Variants in KALRN observed in about 807,000 individuals in gnomAD.
KALRN encodes kalirin RhoGEF kinase.
Under a neutral mutation model 353.7 loss-of-function variants are expected in KALRN, and 70 were observed. The ratio of observed to expected loss-of-function variants is 0.20; its 90% CI spans 0.16 to 0.24. KALRN has a LOEUF of 0.24. Ranked by LOEUF, KALRN falls within the 10% of genes least tolerant of loss-of-function variation. KALRN has a pLI of 1.00. For synonymous variants in KALRN, 1,391 were observed against 1,434.8 expected (o/e 0.97, Z 0.69); for missense variants, 2,791 against 3,756.7 (o/e 0.74, Z 6.72).
chr3:124,292,014 C>T (rs1172531409), intron 5 of KALRN, among the ~76,000 whole-genome samples: 3 of 152,084 alleles, frequency 2.0e-5, no homozygotes, highest in Admixed American at 6.5e-5. Context: ...TTGCAGGATA[C>T]GAAAGAGGTG....
chr3:124,637,647 G>A (rs568974017), intron 37 of KALRN, among the ~76,000 whole-genome samples: 182 of 152,296 alleles, frequency 1.2e-3, no homozygotes, highest in Non-Finnish European at 1.7e-3. Flanking sequence ...AGTACACCGC[G>A]ATGCTGAGAC....
intron 7 of KALRN, 132 bp from the exon 8 acceptor site, chr3:124,329,729 C>G (rs1017923083): frequency 2.1e-6 from 2 of 974,258 alleles, no homozygotes; most frequent in African/African-American, 3.3e-5. Context: ...AAACTCTACC[C>G]TCTACAGTGG....
At chr3:124,572,402 A>G (rs2073641374) in intron 34 of KALRN, among the ~76,000 whole-genome samples, 1 of 151,892 alleles carries the variant, frequency 6.6e-6, no homozygotes, top group South Asian at 2.1e-4. Flanking sequence ...GGCCCAACCT[A>G]ATGTATTGTA....
At chr3:124,036,035 ATTC>A (rs916418487) in intron 1 of KALRN, among the ~76,000 whole-genome samples, 3 of 151,732 alleles carry the variant, frequency 2.0e-5, no homozygotes, top group South Asian at 2.1e-4. Context: ...CTTGCTGGGG[ATTC>A]TTCTTCTTCT....
At chr3:124,607,396 A>T (rs1360053535) in intron 34 of KALRN, among the ~76,000 whole-genome samples, 2 of 152,240 alleles carry the variant, frequency 1.3e-5, no homozygotes, top group Non-Finnish European at 2.9e-5. Context: ...CACTGTGGTT[A>T]CTTCTAGGTA....
intron 1 of KALRN, among the ~76,000 whole-genome samples, chr3:124,147,092 T>C (rs544396784): frequency 6.6e-6 from 1 of 152,266 alleles, no homozygotes; most frequent in East Asian, 1.9e-4. Context: ...ATCTTTGTTT[T>C]GCGAGGCTTG....
intron 12 of KALRN, among the ~76,000 whole-genome samples, chr3:124,396,853 G>A (rs977011846): frequency 2.6e-5 from 4 of 152,160 alleles, no homozygotes; most frequent in Non-Finnish European, 5.9e-5. Flanking sequence ...AGCCACTGGC[G>A]ACCATTCATT....
rs33973349 is a variant in KALRN at position 124,577,213 on chromosome 3, G to GA, written c.5182+14136dup. 7.9e-4 allele frequency among the ~76,000 whole-genome samples: 116 copies of GA among 147,762 alleles called. No homozygotes were observed. In the South Asian group the frequency reaches 0.013, roughly 17 times the overall value. On this transcript the variant is annotated intron_variant, in intron 34 of 59. Transcript: ENST00000682506. ...AGACAGTGATCAGTAATACTTCCTG[G>GA]AAAAAAAAAAAAGAGGGTGGCTGCA...
intron 33 of KALRN, among the ~76,000 whole-genome samples, chr3:124,535,279 C>T (rs956917978): frequency 2.6e-5 from 4 of 152,008 alleles, no homozygotes; most frequent in Non-Finnish European, 4.4e-5. Flanking sequence ...CAGATATGCT[C>T]ACAAAACTCA....
intron 3 of KALRN, among the ~76,000 whole-genome samples, chr3:124,256,088 A>G (rs1459716318): frequency 6.6e-6 from 1 of 152,224 alleles, no homozygotes; most frequent in Non-Finnish European, 1.5e-5. Context: ...TGGTTCACTC[A>G]TGTGGCCAGG....
At chr3:124,104,507 GT>G (rs5852383) in intron 1 of KALRN, among the ~76,000 whole-genome samples, 42,974 of 151,876 alleles carry the variant, frequency 0.28, 6,825 homozygotes, top group East Asian at 0.46. Context: ...GAGCATCTGT[GT>G]GATAAGAGTT....
chr3:124,700,097 A>G (rs2062244928), intron 56 of KALRN, 64 bp downstream of exon 56: 3 of 1,532,234 alleles, frequency 2.0e-6, no homozygotes, highest in South Asian at 1.1e-5. Flanking sequence ...TGCCTGTCAC[A>G]GACTCCTGGG....
chr3:124,097,964 A>C (rs2061567581), intron 1 of KALRN, among the ~76,000 whole-genome samples: 1 of 152,206 alleles, frequency 6.6e-6, no homozygotes, highest in Non-Finnish European at 1.5e-5. Flanking sequence ...GGGACTGTCT[A>C]TCAAAAGAAA....
At position 124,563,876 on chromosome 3, in the gene KALRN, T is replaced by A. The variant is rs546512610; in HGVS notation, c.5182+787T>A. Among the ~76,000 whole-genome samples the A allele has an allele frequency of 1.1e-4, 17 of 152,088 alleles. No homozygotes were observed. In the East Asian group the frequency reaches 3.3e-3, roughly 29 times the overall value. ...AATGCAAGGCGGCACATACCTGTAGTCCCAGCTACTTGGGAGGCTGAGGCA... is the reference window on the plus strand; with the variant it reads ...AATGCAAGGCGGCACATACCTGTAGACCCAGCTACTTGGGAGGCTGAGGCA... On this transcript the variant is annotated intron_variant, in intron 34 of 59. Coordinates refer to ENST00000682506, the MANE Select transcript of KALRN (RefSeq NM_001388419.1).
intron 1 of KALRN, among the ~76,000 whole-genome samples, chr3:124,219,160 C>T (rs2077630455): frequency 6.6e-6 from 1 of 152,184 alleles, no homozygotes; most frequent in African/African-American, 2.4e-5. Context: ...CCATTAAGTG[C>T]CAGCTGTGTA....
chr3:124,219,673 G>T (rs565132413), intron 1 of KALRN, among the ~76,000 whole-genome samples: 17 of 152,176 alleles, frequency 1.1e-4, no homozygotes, highest in Non-Finnish European at 1.8e-4. Flanking sequence ...GAACTCTGCT[G>T]CACCATCCCT....
chr3:124,049,448 C>T (rs1222615649), intron 1 of KALRN, among the ~76,000 whole-genome samples: 1 of 152,128 alleles, frequency 6.6e-6, no homozygotes, highest in Non-Finnish European at 1.5e-5. Context: ...CCTGCCATAC[C>T]TCATAGGAAT....
At chr3:124,660,313 C>G (rs979403392) in intron 43 of KALRN, among the ~76,000 whole-genome samples, 1 of 152,128 alleles carries the variant, frequency 6.6e-6, no homozygotes, top group Non-Finnish European at 1.5e-5. Context: ...ACTTAACTTT[C>G]CTTTCTCTCC....
At chr3:124,155,713 AC>A (rs2149960814) in intron 1 of KALRN, among the ~76,000 whole-genome samples, 1 of 152,344 alleles carries the variant, frequency 6.6e-6, no homozygotes, top group East Asian at 1.9e-4. Context: ...TCAGTTTTTC[AC>A]AAGATTCAAC....
Sources: allele counts gnomAD v4.1 joint callset (sites outside exome capture counted in the v4.1 genomes callset), GRCh38; gene constraint gnomAD v4.1.1; transcripts MANE v1.5; gene names NCBI Gene and HGNC (gene_info 2026-07-23, HGNC 2026-07-21).